The following ADNP2 variants were observed in gnomAD, a reference collection of about 807,000 sequenced individuals.
ADNP2 encodes the protein ADNP homeobox 2, also known as activity-dependent neuroprotector homeobox protein 2.
A neutral mutation model predicts 16.4 loss-of-function variants in ADNP2; 8 were observed. The observed-to-expected ratio is 0.49, with a 90% CI of 0.29 to 0.88. ADNP2 has a LOEUF of 0.88. Ranked by LOEUF, ADNP2 falls within the 40% of genes least tolerant of loss-of-function variation. ADNP2 has a pLI of 0.09. For missense variants in ADNP2, 1,397 were observed against 1,395.1 expected (o/e 1.00, Z -0.02); for synonymous variants, 637 against 545.8 (o/e 1.17, Z -2.33).
Position 80,137,789 on chromosome 18 carries a change from G to C in ADNP2, c.2376G>C (p.Arg792Ser), listed in dbSNP as rs1568416761. 1 of 1,614,212 alleles carries C rather than the reference G, an allele frequency of 6.2e-7. No homozygotes were observed. The highest frequency in any genetic ancestry group is 2.2e-5 in the East Asian group (1 of 44,896). ...IKGLSEHSRN[R>S]HLGKKKLPMD... is the part of the protein sequence containing the mutation. ...GTCTTTCAGAGCACAGCAGGAATAGGCACCTGGGGAAGAAGAAGTTGCCTA... is the reference window on the plus strand; with the variant it reads ...GTCTTTCAGAGCACAGCAGGAATAGCCACCTGGGGAAGAAGAAGTTGCCTA... Residue 792 changes from arginine to serine, a missense_variant, in exon 4 of 4, where the codon AGG (arginine) becomes AGC (serine). By Grantham distance (110) the Arg-to-Ser change is moderately radical (BLOSUM62 -1). Transcript: ENST00000262198. The surrounding 1 kb of genome is among the most constrained non-coding windows in gnomAD (Gnocchi z 4.2).
At chr18:80,123,190 A>G (rs1186195888) in intron 2 of ADNP2, among the ~76,000 whole-genome samples, 1 of 152,164 alleles carries the variant, frequency 6.6e-6, no homozygotes, top group Non-Finnish European at 1.5e-5. Flanking sequence ...GTCGTGGTGT[A>G]TAATTGTTTT....
At chr18:80,113,382 C>A (rs780573188) in intron 1 of ADNP2, among the ~76,000 whole-genome samples, 4 of 152,164 alleles carry the variant, frequency 2.6e-5, no homozygotes, top group Non-Finnish European at 5.9e-5. Flanking sequence ...CCAAAAATTT[C>A]TCCCTATTAT....
At chr18:80,111,186 A>G (rs2052354742) in intron 1 of ADNP2, among the ~76,000 whole-genome samples, 1 of 152,166 alleles carries the variant, frequency 6.6e-6, no homozygotes, top group Admixed American at 6.5e-5. Flanking sequence ...ATATGATCCA[A>G]GTATTCTGTG....
intron 1 of ADNP2, among the ~76,000 whole-genome samples, chr18:80,110,379 C>T (rs1314927102): frequency 2.0e-5 from 3 of 152,150 alleles, no homozygotes; most frequent in African/African-American, 7.2e-5. Context: ...CGGGTAATCA[C>T]TGCCTCTTGG....
At position 80,137,119 on chromosome 18, in the gene ADNP2, A is replaced by C. The variant is rs1251556671; in HGVS notation, c.1706A>C (p.Gln569Pro). 6.2e-7 allele frequency: 1 copy of C among 1,614,186 alleles called. No homozygotes were observed. Among genetic ancestry groups the C allele is most frequent in the African/African-American group, 1.3e-5 (1 of 75,028 alleles). The change falls in exon 4 of 4, where the codon CAG (glutamine) becomes CCG (proline). Residue 569 changes from glutamine (Q) to proline (P), a missense_variant. Physicochemically the swap from Gln to Pro is moderately conservative, Grantham distance 76 (BLOSUM62 -1). Transcript: ENST00000262198. The surrounding 1 kb of genome is among the most constrained non-coding windows in gnomAD (Gnocchi z 4.2). ...PVRPGVLQLN[Q>P]TVGTNILPVN... The stretch of plus-strand genomic sequence containing the variant: ...AGGCCTGGGGTCTTGCAACTCAACC[A>C]GACTGTGGGCACCAACATTCTGCCT...
At chr18:80,114,928 G>A (rs528543663) in intron 1 of ADNP2, among the ~76,000 whole-genome samples, 1 of 152,172 alleles carries the variant, frequency 6.6e-6, no homozygotes, top group East Asian at 1.9e-4. Flanking sequence ...CTACACATGT[G>A]GTATCTAGAT....
rs754153761 is a variant in ADNP2 at position 80,137,751 on chromosome 18, C to T, written c.2338C>T (p.His780Tyr). 6.8e-6 allele frequency: 11 copies of T among 1,614,194 alleles called. No homozygotes were observed. The highest frequency in any genetic ancestry group is 1.6e-4 in the Middle Eastern group (1 of 6,062). The stretch of plus-strand genomic sequence containing the variant: ...GTGCTTGTTCTGTCCATGCACCTTC[C>T]ATGATATCAAAGGTCTTTCAGAGCA... ...LGCLFCPCTFHDIKGLSEHSR... is the reference protein window; with the variant it reads ...LGCLFCPCTFYDIKGLSEHSR... The change falls in exon 4 of 4, where the codon CAT becomes TAT. Residue 780 changes from histidine (H) to tyrosine (Y), a missense_variant. By Grantham distance (83) the His-to-Tyr change is moderately conservative. Transcript: ENST00000262198. The surrounding 1 kb of genome is among the most constrained non-coding windows in gnomAD (Gnocchi z 4.2).
intron 2 of ADNP2, 108 bp from the exon 3 acceptor site, chr18:80,132,995 A>G: frequency 1.2e-6 from 1 of 807,432 alleles, no homozygotes; most frequent in South Asian, 1.6e-5. Flanking sequence ...TGCTGGGATT[A>G]CAAGCATGAA....
intron 1 of ADNP2, among the ~76,000 whole-genome samples, chr18:80,113,571 ACCT>A (rs891114201): frequency 6.6e-6 from 1 of 151,964 alleles, no homozygotes; most frequent in Non-Finnish European, 1.5e-5. Flanking sequence ...CCTCTTTAGA[ACCT>A]CCTAGCACTT....
rs1158771469 is a variant in ADNP2, at chr18:80,112,114, A to C, written c.-14+2642A>C. On this transcript the variant is annotated intron_variant, in intron 1 of 3. Transcript: ENST00000262198. ...TGCTGTTTTCTAATGGTGAAAATAC[A>C]GATTTTACTGAGCTCTAAGATTCTA... 2.0e-5 allele frequency among the ~76,000 whole-genome samples: 3 copies of C among 152,328 alleles called. No individual in the cohort carries two copies. The East Asian group carries it at 5.8e-4, about 29-fold the overall frequency.
intron 2 of ADNP2, among the ~76,000 whole-genome samples, chr18:80,121,681 G>A (rs575800161): frequency 1.3e-5 from 2 of 152,082 alleles, no homozygotes; most frequent in Non-Finnish European, 2.9e-5. Context: ...ATGTTAAGTC[G>A]CTGATCTATT....
chr18:80,126,437 T>G (rs1034653368), intron 2 of ADNP2, among the ~76,000 whole-genome samples: 1 of 152,226 alleles, frequency 6.6e-6, no homozygotes. Flanking sequence ...CCTGAAGGAC[T>G]TCATATTTTG....
intron 1 of ADNP2, among the ~76,000 whole-genome samples, 196 bp from the exon 2 acceptor site, chr18:80,117,334 A>G (rs973902389): frequency 5.9e-5 from 9 of 152,158 alleles, no homozygotes; most frequent in African/African-American, 2.2e-4. Context: ...TGTGTGATCC[A>G]CTTTTGAGTT....
Position 80,138,691 on chromosome 18 carries a change from AAAG to A in ADNP2, c.3282_3284del (p.Arg1095del). 1 of 1,612,740 alleles carries A rather than the reference AAAG, an allele frequency of 6.2e-7. No homozygotes were observed. The highest frequency in any genetic ancestry group is 8.5e-7 in the Non-Finnish European group (1 of 1,179,780). On this transcript the variant is annotated inframe_deletion, in exon 4 of 4. Transcript: ENST00000262198. ...ATTGATGTGGCTTCATTTTTTGGAAAAAGAAGGTATATTTGCATGAAAGCAATA... is the reference window on the plus strand; with the variant it reads ...ATTGATGTGGCTTCATTTTTTGGAAAAAGGTATATTTGCATGAAAGCAATA...
At chr18:80,117,795 T>C in intron 2 of ADNP2, 145 bp downstream of exon 2, 2 of 589,114 alleles carry the variant, frequency 3.4e-6, no homozygotes, top group Non-Finnish European at 5.8e-6. Flanking sequence ...TATTTATGTC[T>C]TTATGACATA....
At chr18:80,109,528 C>T (rs1232117702) in intron 1 of ADNP2, 56 bp downstream of exon 1, 2 of 147,982 alleles carry the variant, frequency 1.4e-5, no homozygotes, top group East Asian at 3.9e-4. Context: ...TGCCCCGGTC[C>T]TGGCCCCCGC....
intron 2 of ADNP2, among the ~76,000 whole-genome samples, chr18:80,130,795 T>G (rs887590231): frequency 1.5e-5 from 2 of 137,520 alleles, no homozygotes; most frequent in Non-Finnish European, 3.0e-5. Flanking sequence ...TGCGTTATAC[T>G]CCTTTACCAC....
At position 80,138,031 on chromosome 18, in the gene ADNP2, G is replaced by A. The variant is rs747437164; in HGVS notation, c.2618G>A (p.Arg873Gln). 5.0e-6 allele frequency: 8 copies of A among 1,613,572 alleles called. No homozygotes were observed. The highest frequency in any genetic ancestry group is 3.3e-5 in the Admixed American group (2 of 60,000). Residue 873 changes from arginine (R) to glutamine (Q), a missense_variant, in exon 4 of 4, where the codon CGA (arginine) becomes CAA (glutamine). Coordinates refer to ENST00000262198, the MANE Select transcript of ADNP2 (RefSeq NM_014913.4). ...GGCACCCCCGGGAGCACCGGCAAGCGAGTGTCCACCTGCCCCTTTTGCTTT... is the reference window on the plus strand; with the variant it reads ...GGCACCCCCGGGAGCACCGGCAAGCAAGTGTCCACCTGCCCCTTTTGCTTT... ...AEGTPGSTGK[R>Q]VSTCPFCFGP...
At chr18:80,115,568 C>A (rs1204459448) in intron 1 of ADNP2, among the ~76,000 whole-genome samples, 1 of 152,168 alleles carries the variant, frequency 6.6e-6, no homozygotes, top group Non-Finnish European at 1.5e-5. Context: ...TCAAGTACTA[C>A]AGGGTTTATT....
Sources: allele counts gnomAD v4.1 joint callset (sites outside exome capture counted in the v4.1 genomes callset), GRCh38; gene constraint gnomAD v4.1.1; non-coding constraint Gnocchi (gnomAD v3.1); transcripts MANE v1.5; gene names NCBI Gene and HGNC (gene_info 2026-07-23, HGNC 2026-07-21).